The following SYNPR variants were observed in gnomAD, a reference collection of about 807,000 sequenced individuals.
The protein encoded by SYNPR is synaptoporin.
SYNPR carries 23 observed loss-of-function variants against 32.9 expected under a neutral mutation model. The ratio of observed to expected loss-of-function variants is 0.70; its 90% CI spans 0.50 to 0.99. The LOEUF (loss-of-function observed/expected upper bound fraction) is 0.99. SYNPR is among the 50% of genes least tolerant of loss of function. The pLI, the probability that SYNPR is intolerant of heterozygous loss-of-function variation, is 0.00. For synonymous variants in SYNPR, 146 were observed against 135.9 expected, an observed-to-expected ratio of 1.07 and a Z score of -0.52; for missense variants, 318 against 349.3, an observed-to-expected ratio of 0.91 and a Z score of 0.71.
At chr3:63,327,513 T>G (rs1022141536) in intron 2 of SYNPR, among the ~76,000 whole-genome samples, 1 of 152,142 alleles carries the variant, frequency 6.6e-6, no homozygotes, top group Non-Finnish European at 1.5e-5. Context: ...CAAATAAGTG[T>G]GTTCATAACA....
At chr3:63,449,055 G>T (rs766838206) in intron 2 of SYNPR, among the ~76,000 whole-genome samples, 9 of 152,088 alleles carry the variant, frequency 5.9e-5, no homozygotes, top group Non-Finnish European at 1.0e-4. Context: ...TTGCTTCGAG[G>T]CATTCTCAGA....
upstream of SYNPR, among the ~76,000 whole-genome samples, chr3:63,226,571 G>A (rs538868630): frequency 1.3e-5 from 2 of 152,208 alleles, no homozygotes; most frequent in African/African-American, 4.8e-5. Context: ...GGTATTGGAG[G>A]TCATTATATT....
At chr3:63,607,014 A>G (rs1303493976) in intron 4 of SYNPR, among the ~76,000 whole-genome samples, 2 of 152,238 alleles carry the variant, frequency 1.3e-5, no homozygotes, top group African/African-American at 4.8e-5. Context: ...GAACAAAGAA[A>G]TCTAACAGTT....
chr3:63,314,597 T>A (rs1305731995), intron 2 of SYNPR, among the ~76,000 whole-genome samples: 1 of 152,076 alleles, frequency 6.6e-6, no homozygotes, highest in African/African-American at 2.4e-5. Context: ...CTGATTTGTT[T>A]GAGTTCATTG....
At chr3:63,208,194 C>T in the SYNPR span, among the ~76,000 whole-genome samples, 8 of 152,138 alleles carry the variant, frequency 5.3e-5, no homozygotes, top group African/African-American at 1.9e-4. Context: ...GTTAATTAGC[C>T]TCTCACTTAG....
At chr3:63,334,838 C>T (rs533789590) in intron 2 of SYNPR, among the ~76,000 whole-genome samples, 21 of 152,140 alleles carry the variant, frequency 1.4e-4, no homozygotes, top group African/African-American at 5.1e-4. Flanking sequence ...CTTTCAATAG[C>T]GAAAACTGCA....
At chr3:63,278,212 C>T, upstream of SYNPR, 1 of 314,974 alleles carries the variant, frequency 3.2e-6, no homozygotes, top group Non-Finnish European at 5.8e-6. Context: ...CTCGCCCTCC[C>T]CTCTGGAGCG....
chr3:63,523,711 G>A (rs1404446005), intron 3 of SYNPR, among the ~76,000 whole-genome samples: 10 of 152,102 alleles, frequency 6.6e-5, no homozygotes, highest in Admixed American at 4.6e-4. Flanking sequence ...CTTTGCTAAG[G>A]TTGATTTTTG....
At chr3:63,546,399 G>T (rs1702402323) in intron 3 of SYNPR, among the ~76,000 whole-genome samples, 1 of 151,972 alleles carries the variant, frequency 6.6e-6, no homozygotes. Context: ...AATTTGAAAA[G>T]ATCCTGGCAT....
chr3:63,274,463 A>C (rs1354060298), upstream of SYNPR, among the ~76,000 whole-genome samples: 1 of 151,850 alleles, frequency 6.6e-6, no homozygotes, highest in East Asian at 1.9e-4. Flanking sequence ...TCTATTGCAG[A>C]TTGGTACTTT....
chr3:63,374,664 T>C (rs2087863279), intron 2 of SYNPR, among the ~76,000 whole-genome samples: 1 of 152,230 alleles, frequency 6.6e-6, no homozygotes, highest in Admixed American at 6.5e-5. Context: ...TCTTCAAATC[T>C]TTCAGGGTTT....
At chr3:63,483,310 T>C (rs979798509) in intron 3 of SYNPR, among the ~76,000 whole-genome samples, 2 of 152,180 alleles carry the variant, frequency 1.3e-5, no homozygotes, top group Admixed American at 1.3e-4. Context: ...AATGTACAGA[T>C]ATAGAAAGAT....
chr3:63,389,708 A>T (rs1338155327), intron 2 of SYNPR, among the ~76,000 whole-genome samples: 1 of 152,228 alleles, frequency 6.6e-6, no homozygotes, highest in Non-Finnish European at 1.5e-5. Context: ...CCACCATAAA[A>T]TGGATAAACG....
intron 2 of SYNPR, among the ~76,000 whole-genome samples, chr3:63,409,947 G>C (rs2088439600): frequency 6.6e-6 from 1 of 152,138 alleles, no homozygotes; most frequent in Non-Finnish European, 1.5e-5. Context: ...TGCCCCAACA[G>C]CGTTCCAGAG....
At chr3:63,396,318 G>C (rs535258523) in intron 2 of SYNPR, among the ~76,000 whole-genome samples, 1 of 152,000 alleles carries the variant, frequency 6.6e-6, no homozygotes, top group Non-Finnish European at 1.5e-5. Flanking sequence ...CAAGAGCTCC[G>C]TTTCTGACAA....
chr3:63,484,689 G>A (rs1575669077), intron 3 of SYNPR, among the ~76,000 whole-genome samples: 3 of 152,326 alleles, frequency 2.0e-5, no homozygotes, highest in Admixed American at 6.5e-5. Context: ...ATTCTGTGAA[G>A]GAGGCTACTA....
chr3:63,322,243 A>G (rs1384385296), intron 2 of SYNPR, among the ~76,000 whole-genome samples: 2 of 152,116 alleles, frequency 1.3e-5, no homozygotes, highest in Non-Finnish European at 2.9e-5. Context: ...TGTAAAGCAC[A>G]ATGTAGATAC....
At chr3:63,471,013 C>T (rs1363038985) in intron 2 of SYNPR, among the ~76,000 whole-genome samples, 1 of 152,198 alleles carries the variant, frequency 6.6e-6, no homozygotes, top group Non-Finnish European at 1.5e-5. Flanking sequence ...AAAACAGAAA[C>T]TTCTTTTGCC....
intron 2 of SYNPR, among the ~76,000 whole-genome samples, chr3:63,460,873 C>T (rs115500995): frequency 0.013 from 2,044 of 152,158 alleles, 26 homozygotes; most frequent in Middle Eastern, 0.037. Context: ...GTACAGCTGA[C>T]AAGACCACCA....
Sources: gnomAD v4.1 joint callset for allele counts (sites outside exome capture counted in the v4.1 genomes callset) on GRCh38, gnomAD v4.1.1 for gene constraint, MANE v1.5 for transcripts, NCBI Gene and HGNC (gene_info 2026-07-23, HGNC 2026-07-21) for gene names.